Variants in NAA11 observed in about 807,000 individuals in gnomAD.
The protein encoded by NAA11 is N-alpha-acetyltransferase 11.
In NAA11, 15 loss-of-function variants were observed where a neutral mutation model predicts 16.1. The observed-to-expected ratio is 0.93, with a 90% CI of 0.62 to 1.44. NAA11 has a LOEUF of 1.44. Ranked by LOEUF, NAA11 falls within the 40% of genes most tolerant of loss-of-function variation. The pLI is 0.00. For synonymous variants in NAA11, 122 were observed against 112.4 expected (o/e 1.09, Z -0.54); for missense variants, 298 against 291.3 (o/e 1.02, Z -0.17).
rs1721529793 is a variant in NAA11 at position 79,234,461 on chromosome 4, A to G, written c.*123-8191T>C. Among the ~76,000 whole-genome samples the G allele has an allele frequency of 1.3e-5, 2 of 152,152 alleles. 1 individual carries two copies. The highest frequency in any genetic ancestry group is 1.3e-4 in the Admixed American group (2 of 15,266). On this transcript the variant is annotated intron_variant and NMD_transcript_variant, in intron 2 of 2. Coordinates refer to the NAA11 transcript ENST00000511542. ...ATGGTCTACGCTTAATTGGCCAAGA[A>G]AAAGAACTACAGTCAGGTACTTTGC... is the stretch of plus-strand genomic sequence containing the variant.
intron 2 of NAA11, among the ~76,000 whole-genome samples, chr4:79,243,868 G>A (rs1475516650): frequency 2.0e-5 from 3 of 152,300 alleles, no homozygotes; most frequent in East Asian, 1.9e-4. Flanking sequence ...CTTTAACCTC[G>A]ATCCTGGGAC....
At chr4:79,193,687 T>G in the NAA11 span, among the ~76,000 whole-genome samples, 1 of 152,200 alleles carries the variant, frequency 6.6e-6, no homozygotes, top group Admixed American at 6.5e-5. Context: ...TCTTTTGGCT[T>G]AGGATTGATT....
At chr4:79,163,290 A>G in the NAA11 span, among the ~76,000 whole-genome samples, 1 of 152,294 alleles carries the variant, frequency 6.6e-6, no homozygotes, top group South Asian at 2.1e-4. Context: ...TACAATAGGG[A>G]TTCTAATATC....
chr4:79,318,085 T>C (rs1723980034), intron 1 of NAA11, among the ~76,000 whole-genome samples: 1 of 152,178 alleles, frequency 6.6e-6, no homozygotes, highest in South Asian at 2.1e-4. Flanking sequence ...ACCAAAAAAC[T>C]GGGATTTACC....
chr4:79,325,429 T>A lies in NAA11; in HGVS notation c.449A>T (p.Asp150Val), dbSNP rs746384455. ...CAGCTCATCTGCCATCTGCGAGAGA[T>A]CCCGCTTCATAGCATAAGCATCTTC... ...DGEDAYAMKR[D>V]LSQMADELRR... Residue 150 changes from aspartate to valine, a missense_variant, in exon 1 of 2, where the codon GAT (aspartate) becomes GTT (valine). Transcript: ENST00000286794. The A allele has an allele frequency of 6.2e-7, 1 of 1,614,190 alleles. No individual in the cohort carries two copies. Among genetic ancestry groups the A allele is most frequent in the East Asian group, 2.2e-5 (1 of 44,884 alleles).
At chr4:79,316,546 C>A (rs905311743), downstream of NAA11, 4 of 152,136 alleles carry the variant, frequency 2.6e-5, no homozygotes, top group Non-Finnish European at 4.4e-5. Flanking sequence ...TGACTTAAAT[C>A]CATACACACC....
At chr4:79,198,505 A>G in the NAA11 span, among the ~76,000 whole-genome samples, 10 of 151,918 alleles carry the variant, frequency 6.6e-5, no homozygotes, top group South Asian at 8.3e-4. Flanking sequence ...GACCAAAGCC[A>G]TTGTTTTATT....
intron 2 of NAA11, among the ~76,000 whole-genome samples, chr4:79,278,464 T>C (rs1722716293): frequency 6.6e-6 from 1 of 152,146 alleles, no homozygotes; most frequent in African/African-American, 2.4e-5. Context: ...CCTAAACTGC[T>C]TATAATCGCC....
chr4:79,230,174 A>G (rs1181951542), intron 2 of NAA11, among the ~76,000 whole-genome samples: 1 of 151,944 alleles, frequency 6.6e-6, no homozygotes, highest in Non-Finnish European at 1.5e-5. Flanking sequence ...TATCGCAAGA[A>G]CAAAAAACCA....
the NAA11 span, among the ~76,000 whole-genome samples, chr4:79,211,222 G>A: frequency 2.0e-5 from 3 of 152,106 alleles, no homozygotes; most frequent in Non-Finnish European, 4.4e-5. Context: ...AATATAAAAC[G>A]CTAGATATTT....
At chr4:79,234,478 G>T (rs578006895) in intron 2 of NAA11, among the ~76,000 whole-genome samples, 1 of 152,252 alleles carries the variant, frequency 6.6e-6, no homozygotes, top group Non-Finnish European at 1.5e-5. Flanking sequence ...CTACAGTCAG[G>T]TACTTTGCAG....
At chr4:79,158,260 A>C in the NAA11 span, among the ~76,000 whole-genome samples, 2 of 152,130 alleles carry the variant, frequency 1.3e-5, no homozygotes, top group Non-Finnish European at 2.9e-5. Context: ...GAATTCAGCA[A>C]AGTTTCAGGA....
intron 2 of NAA11, among the ~76,000 whole-genome samples, chr4:79,257,219 T>C (rs1722135509): frequency 6.6e-6 from 1 of 152,190 alleles, no homozygotes; most frequent in Admixed American, 6.5e-5. Flanking sequence ...TAAATACTCT[T>C]AAATTCTCAA....
chr4:79,182,640 C>G, the NAA11 span, among the ~76,000 whole-genome samples: 1 of 152,072 alleles, frequency 6.6e-6, no homozygotes, highest in African/African-American at 2.4e-5. Flanking sequence ...ACCTCCACCA[C>G]TTTTAGTATT....
intron 1 of NAA11, among the ~76,000 whole-genome samples, chr4:79,302,591 T>A (rs11098642): frequency 6.6e-6 from 1 of 150,848 alleles, no homozygotes; most frequent in Non-Finnish European, 1.5e-5. Flanking sequence ...ATATCTTTAT[T>A]CTATATATGT....
chr4:79,193,635 G>A, the NAA11 span, among the ~76,000 whole-genome samples: 5 of 152,046 alleles, frequency 3.3e-5, no homozygotes, highest in Admixed American at 6.5e-5. Flanking sequence ...GTAGCCTTGT[G>A]GTATAGTTTG....
chr4:79,167,891 C>G, the NAA11 span, among the ~76,000 whole-genome samples: 1 of 152,008 alleles, frequency 6.6e-6, no homozygotes, highest in East Asian at 1.9e-4. Flanking sequence ...TTTTATTGTA[C>G]TTTAAGTTCG....
chr4:79,307,707 T>TAA (rs550773668), intron 1 of NAA11, among the ~76,000 whole-genome samples: 26 of 152,034 alleles, frequency 1.7e-4, no homozygotes, highest in Admixed American at 9.2e-4. Context: ...AAGAAGGGAG[T>TAA]ATATTGCTTG....
chr4:79,239,693 C>G (rs552265593), intron 2 of NAA11, among the ~76,000 whole-genome samples: 1 of 151,886 alleles, frequency 6.6e-6, no homozygotes, highest in East Asian at 1.9e-4. Flanking sequence ...GAGCAAGACT[C>G]TGTCTCGGAA....
Sources: gnomAD v4.1 joint callset for allele counts (sites outside exome capture counted in the v4.1 genomes callset) on GRCh38, gnomAD v4.1.1 for gene constraint, MANE v1.5 for transcripts, NCBI Gene and HGNC (gene_info 2026-07-23, HGNC 2026-07-21) for gene names.